The following CCDC7 variants were observed in gnomAD, a reference collection of about 807,000 sequenced individuals.
CCDC7 encodes coiled-coil domain-containing protein 7.
CCDC7 carries 183 observed loss-of-function variants against 196.9 expected under a neutral mutation model. The observed-to-expected ratio is 0.93, with a 90% CI of 0.82 to 1.05. The LOEUF (loss-of-function observed/expected upper bound fraction) is 1.05, where lower values mean the gene tolerates loss of function less well. Among genes scored for constraint, CCDC7 ranks in the 50% least tolerant of loss-of-function variants. The pLI, the probability that CCDC7 is intolerant of heterozygous loss-of-function variation, is 0.00. For synonymous variants in CCDC7, 525 were observed against 484.6 expected, an observed-to-expected ratio of 1.08 and a Z score of -1.10; for missense variants, 1,540 against 1,482.2, an observed-to-expected ratio of 1.04 and a Z score of -0.64.
intron 9 of CCDC7, chr10:32,512,709 T>C (rs2046406087): frequency 6.6e-6 from 1 of 152,018 alleles, no homozygotes; most frequent in South Asian, 2.1e-4. Context: ...AGATTTGTGC[T>C]CATACAGTAG....
intron 9 of CCDC7, among the ~76,000 whole-genome samples, chr10:32,495,530 C>T (rs533202220): frequency 4.6e-4 from 70 of 152,214 alleles, no homozygotes; most frequent in Non-Finnish European, 7.8e-4. Context: ...TTAGGTCTTA[C>T]GTTTAAGTGT....
At chr10:32,506,056 T>C (rs1428268922) in intron 9 of CCDC7, among the ~76,000 whole-genome samples, 6 of 115,012 alleles carry the variant, frequency 5.2e-5, no homozygotes, top group African/African-American at 2.1e-4. Flanking sequence ...CGCTCCTCAG[T>C]TCCTAGATGG....
At chr10:32,507,596 A>G (rs911598365) in intron 9 of CCDC7, among the ~76,000 whole-genome samples, 2 of 151,266 alleles carry the variant, frequency 1.3e-5, no homozygotes, top group Admixed American at 1.3e-4. Context: ...AATTACAGGC[A>G]CCTGCCACTA....
At chr10:32,447,692 A>G (rs1267767435), upstream of CCDC7, among the ~76,000 whole-genome samples, 1 of 152,138 alleles carries the variant, frequency 6.6e-6, no homozygotes. Context: ...ACCTGAGGTC[A>G]GAAGTTCGAG....
chr10:32,666,818 T>A (rs1199001765), intron 21 of CCDC7, among the ~76,000 whole-genome samples: 1 of 152,158 alleles, frequency 6.6e-6, no homozygotes, highest in Non-Finnish European at 1.5e-5. Flanking sequence ...CTATTGTGAA[T>A]AGTGCCACAA....
At chr10:32,526,476 A>G (rs113703932) in intron 11 of CCDC7, among the ~76,000 whole-genome samples, 24 of 152,004 alleles carry the variant, frequency 1.6e-4, no homozygotes, top group African/African-American at 5.8e-4. Context: ...ATTTTCTCAA[A>G]CAGAAGGAGT....
intron 41 of CCDC7, among the ~76,000 whole-genome samples, chr10:32,874,876 T>G (rs1282059976): frequency 6.6e-6 from 1 of 151,858 alleles, no homozygotes; most frequent in Non-Finnish European, 1.5e-5. Flanking sequence ...CCTAGGCCAA[T>G]GCCCAGAAGA....
chr10:32,481,119 A>T (rs1391328813), intron 8 of CCDC7, among the ~76,000 whole-genome samples: 1 of 152,112 alleles, frequency 6.6e-6, no homozygotes, highest in Non-Finnish European at 1.5e-5. Flanking sequence ...TTTTTGATTT[A>T]AAGTATCTGG....
intron 7 of CCDC7, among the ~76,000 whole-genome samples, chr10:32,473,307 G>T (rs2038327577): frequency 6.6e-6 from 1 of 152,118 alleles, no homozygotes. Flanking sequence ...GAAATATTTG[G>T]TATTTTAAGA....
chr10:32,650,497 G>T (rs1428255340), intron 20 of CCDC7, among the ~76,000 whole-genome samples: 1 of 152,186 alleles, frequency 6.6e-6, no homozygotes, highest in Admixed American at 6.5e-5. Flanking sequence ...CAATTTTGTT[G>T]TGGTGATGGT....
intron 28 of CCDC7, among the ~76,000 whole-genome samples, chr10:32,766,197 C>T (rs34521758): frequency 6.6e-6 from 1 of 151,848 alleles, no homozygotes; most frequent in Non-Finnish European, 1.5e-5. Context: ...TGGGACGTGT[C>T]AAGATATTCC....
At chr10:32,711,484 C>T in intron 24 of CCDC7, 136 bp from the exon 26 acceptor site, 1 of 537,486 alleles carries the variant, frequency 1.9e-6, no homozygotes, top group Non-Finnish European at 3.3e-6. Flanking sequence ...CATGTCAGAG[C>T]TAGCATTAAG....
rs1398896605 is a variant in CCDC7, at chr10:32,511,222, T to C, written c.873-6723T>C. On this transcript the variant is annotated intron_variant, in intron 9 of 41. Transcript: ENST00000639629. ...AATTTACATATTAATAAGAAACACATTTAAACCTTGTCCTGCCACAGAATT... is the reference window on the plus strand; with the variant it reads ...AATTTACATATTAATAAGAAACACACTTAAACCTTGTCCTGCCACAGAATT... 20 of 658,362 alleles carry C rather than the reference T, an allele frequency of 3.0e-5. 1 individual carries two copies. Among genetic ancestry groups the C allele is most frequent in the South Asian group, 1.1e-4 (6 of 55,376 alleles). 40.8% of individuals were successfully genotyped at this position (658,362 alleles called of 1,614,324 possible). A position where few individuals can be genotyped will look rare whatever the true frequency, so the allele number is the denominator to read the frequency against.
At chr10:32,833,353 TAAAAA>T (rs71185223) in intron 32 of CCDC7, among the ~76,000 whole-genome samples, 34,432 of 149,908 alleles carry the variant, frequency 0.23, 4,280 homozygotes, top group East Asian at 0.44. Context: ...ACCCTTTTTT[TAAAAA>T]AAAAAAAAAG....
chr10:32,614,995 A>G (rs895746799), intron 18 of CCDC7, among the ~76,000 whole-genome samples: 1 of 152,170 alleles, frequency 6.6e-6, no homozygotes, highest in African/African-American at 2.4e-5. Context: ...GCTAAATAGT[A>G]TTCCATAGTG....
intron 41 of CCDC7, among the ~76,000 whole-genome samples, chr10:32,861,530 A>G (rs749859025): frequency 2.6e-5 from 4 of 152,196 alleles, no homozygotes; most frequent in Non-Finnish European, 5.9e-5. Flanking sequence ...TTCATGACTA[A>G]AACACCAAAA....
chr10:32,555,281 G>A lies in CCDC7; in HGVS notation c.1135-10277G>A, dbSNP rs944484084. Among the ~76,000 whole-genome samples the A allele has an allele frequency of 2.4e-4, 36 of 147,278 alleles. 1 individual carries two copies. Among genetic ancestry groups the A allele is most frequent in the Admixed American group, 6.1e-4 (9 of 14,662 alleles). On this transcript the variant is annotated intron_variant, in intron 13 of 41. Coordinates refer to ENST00000639629, the Ensembl canonical transcript of CCDC7. Reference sequence around the variant, plus strand: ...TTTTTTTTTGAGATGGAGTCTTGCTGTGTGGCCAGGCCAGAGTGCAATGGT... The same window carrying A: ...TTTTTTTTTGAGATGGAGTCTTGCTATGTGGCCAGGCCAGAGTGCAATGGT...
In CCDC7 at chr10:32,772,843, C is replaced by T. The variant is rs181620091; in HGVS notation, c.2906-6134C>T. On this transcript the variant is annotated intron_variant, in intron 28 of 41. Coordinates refer to ENST00000639629, the Ensembl canonical transcript of CCDC7. ...GGTGTGTATGCCAGAGGCAACCTTC[C>T]GACCTCTCACATTCTGGGGACTGGG... is the stretch of plus-strand genomic sequence containing the variant. Among the ~76,000 whole-genome samples, 25 of 152,258 alleles carry T rather than the reference C, an allele frequency of 1.6e-4. 1 individual carries two copies. The highest frequency in any genetic ancestry group is 4.2e-4 in the South Asian group (2 of 4,816).
At chr10:32,709,738 A>T (rs1306968175) in intron 24 of CCDC7, among the ~76,000 whole-genome samples, 1 of 152,054 alleles carries the variant, frequency 6.6e-6, no homozygotes, top group Non-Finnish European at 1.5e-5. Flanking sequence ...GGTGCTGGGG[A>T]CCCCAATCTA....
Sources: gnomAD v4.1 joint callset for allele counts (sites outside exome capture counted in the v4.1 genomes callset) on GRCh38, gnomAD v4.1.1 for gene constraint, MANE v1.5 for transcripts, NCBI Gene and HGNC (gene_info 2026-07-23, HGNC 2026-07-21) for gene names.